Variants in SUFU observed in about 807,000 individuals in gnomAD.
SUFU encodes the protein suppressor of fused homolog.
In SUFU, 7 loss-of-function variants were observed where a neutral mutation model predicts 58.9. The ratio of observed to expected loss-of-function variants is 0.12; its 90% CI spans 0.07 to 0.22. The LOEUF (loss-of-function observed/expected upper bound fraction) is 0.22, where lower values mean the gene tolerates loss of function less well. Ranked by LOEUF, SUFU falls within the 10% of genes least tolerant of loss-of-function variation. The probability of loss-of-function intolerance (pLI) is 1.00; values close to 1 mark genes in which losing one functional copy is unlikely to be tolerated. For synonymous variants in SUFU, 232 were observed against 254.8 expected (o/e 0.91, Z 0.85); for missense variants, 451 against 641.3 (o/e 0.70, Z 3.20).
chr10:102,618,347 G>A (rs1230669571), intron 10 of SUFU: 1 of 152,424 alleles, frequency 6.6e-6, no homozygotes, highest in Non-Finnish European at 1.5e-5. Context: ...GTTTCACCCA[G>A]TCTGGGGAGT....
intron 8 of SUFU, among the ~76,000 whole-genome samples, chr10:102,606,321 C>A (rs2063562251): frequency 6.6e-6 from 1 of 152,246 alleles, no homozygotes; most frequent in African/African-American, 2.4e-5. Flanking sequence ...CACCTCTAAG[C>A]CATCCCATAA....
intron 2 of SUFU, among the ~76,000 whole-genome samples, chr10:102,527,281 C>T (rs541005358): frequency 5.3e-5 from 8 of 152,008 alleles, no homozygotes; most frequent in South Asian, 2.1e-4. Context: ...GGATTACAGG[C>T]GTGAGCCACC....
chr10:102,593,788 T>C, intron 5 of SUFU, 67 bp downstream of exon 5: 1 of 1,517,552 alleles, frequency 6.6e-7, no homozygotes, highest in East Asian at 2.3e-5. Flanking sequence ...TCCACTACCC[T>C]CCATGTGGGG....
intron 2 of SUFU, among the ~76,000 whole-genome samples, chr10:102,536,979 T>G (rs1476450025): frequency 4.6e-5 from 7 of 151,918 alleles, no homozygotes; most frequent in Non-Finnish European, 1.0e-4. Flanking sequence ...CCCAGCTAAT[T>G]TTTGTATTTT....
intron 3 of SUFU, chr10:102,579,987 A>G: frequency 2.8e-6 from 1 of 356,642 alleles, no homozygotes; most frequent in Non-Finnish European, 3.9e-6. Context: ...AGAGCTCCTC[A>G]GCCACATGTA....
chr10:102,613,713 AT>A (rs1487218866), intron 8 of SUFU, among the ~76,000 whole-genome samples: 2 of 152,228 alleles, frequency 1.3e-5, no homozygotes, highest in African/African-American at 4.8e-5. Context: ...GGCCTTTTGA[AT>A]GGGATCAGTG....
chr10:102,536,036 T>C (rs2062736513), intron 2 of SUFU, among the ~76,000 whole-genome samples: 1 of 152,126 alleles, frequency 6.6e-6, no homozygotes, highest in South Asian at 2.1e-4. Flanking sequence ...TGGCACCATC[T>C]CAGCTCACTA....
chr10:102,632,454 G>A lies in SUFU; in HGVS notation c.*2299G>A, dbSNP rs1320594168. On this transcript the variant is annotated 3_prime_UTR_variant, in exon 12 of 12. Coordinates refer to ENST00000369902, the MANE Select transcript of SUFU (RefSeq NM_016169.4). ...CTCACTGGCTCTGAGGGCAGGACAG[G>A]GTATCACACATTTCTCACCAGGCCT... 8.6e-6 allele frequency: 2 copies of A among 233,158 alleles called. No individual in the cohort carries two copies. Among genetic ancestry groups the A allele is most frequent in the Non-Finnish European group, 1.7e-5 (2 of 118,094 alleles). The allele number at this position is 233,158 out of a possible 1,614,324, so 14.4% of individuals were successfully genotyped here.
intron 3 of SUFU, among the ~76,000 whole-genome samples, chr10:102,584,666 T>C (rs1237846834): frequency 6.6e-6 from 1 of 152,236 alleles, no homozygotes; most frequent in Admixed American, 6.5e-5. Context: ...TAAGCAACGC[T>C]AATTTGCCAT....
rs60544094 is a variant in SUFU at position 102,516,125 on chromosome 10, C to CTT, written c.317+6839_317+6840dup. Among the ~76,000 whole-genome samples the CTT allele has an allele frequency of 5.6e-3, 706 of 125,568 alleles. 18 individuals are homozygous for CTT. Among genetic ancestry groups the CTT allele is most frequent in the African/African-American group, 0.013 (451 of 33,938 alleles). 82.4% of individuals were successfully genotyped at this position (125,568 alleles called of 152,430 possible). A position where few individuals can be genotyped will look rare whatever the true frequency, so the allele number is the denominator to read the frequency against. On this transcript the variant is annotated intron_variant, in intron 2 of 11. Coordinates refer to ENST00000369902, the MANE Select transcript of SUFU (RefSeq NM_016169.4). Reference sequence around the variant, plus strand: ...TCTTTTCTTTTTCTTTCTTTCTTTTCTTTTTTTTTTTTTTTTTTGAGATAG... The same window carrying CTT: ...TCTTTTCTTTTTCTTTCTTTCTTTTCTTTTTTTTTTTTTTTTTTTTGAGATAG...
At position 102,627,256 on chromosome 10, in the gene SUFU, G is replaced by A. The variant is rs1370046167; in HGVS notation, c.1365+13G>A. On this transcript the variant is annotated intron_variant, in intron 11 of 11. Coordinates refer to ENST00000369902, the MANE Select transcript of SUFU (RefSeq NM_016169.4). ...TTCTCCAGAGGAAGTAAGCTTGTTT[G>A]ACTTTTCCTGACAACAGGTCCCGTC... 6.2e-7 allele frequency: 1 copy of A among 1,612,424 alleles called. No individual in the cohort carries two copies. Among genetic ancestry groups the A allele is most frequent in the African/African-American group, 1.3e-5 (1 of 75,052 alleles).
chr10:102,627,887 T>TGCG (rs2063800590), intron 11 of SUFU, among the ~76,000 whole-genome samples: 1 of 152,136 alleles, frequency 6.6e-6, no homozygotes, highest in Non-Finnish European at 1.5e-5. Flanking sequence ...CCGGCATCCT[T>TGCG]ATTTGCGAGG....
intron 3 of SUFU, among the ~76,000 whole-genome samples, chr10:102,578,633 G>A (rs2063240288): frequency 2.0e-5 from 3 of 151,562 alleles, no homozygotes; most frequent in African/African-American, 4.9e-5. Context: ...GCTTGGACCT[G>A]TGAGGCAGAG....
intron 3 of SUFU, among the ~76,000 whole-genome samples, chr10:102,565,869 A>T (rs573769450): frequency 4.1e-4 from 62 of 152,284 alleles, no homozygotes; most frequent in African/African-American, 1.4e-3. Flanking sequence ...TGATACAGGC[A>T]TTCAGCTAGG....
At chr10:102,534,782 T>G (rs2062716133) in intron 2 of SUFU, among the ~76,000 whole-genome samples, 1 of 152,122 alleles carries the variant, frequency 6.6e-6, no homozygotes, top group Non-Finnish European at 1.5e-5. Flanking sequence ...ACAGAGAGAT[T>G]GTAGAGAAGC....
chr10:102,513,916 G>A (rs912150426), intron 2 of SUFU, among the ~76,000 whole-genome samples: 23 of 151,950 alleles, frequency 1.5e-4, no homozygotes, highest in African/African-American at 5.3e-4. Context: ...AGATGGTCTC[G>A]CTCTGTTGCC....
At position 102,630,767 on chromosome 10, in the gene SUFU, C is replaced by T. The variant is rs987239530; in HGVS notation, c.*612C>T. 2 of 249,768 alleles carry T rather than the reference C, an allele frequency of 8.0e-6. No individual in the cohort carries two copies. Among genetic ancestry groups the T allele is most frequent in the Non-Finnish European group, 1.6e-5 (2 of 126,968 alleles). 15.5% of individuals were successfully genotyped at this position (249,768 alleles called of 1,614,324 possible). A position where few individuals can be genotyped will look rare whatever the true frequency, so the allele number is the denominator to read the frequency against. On this transcript the variant is annotated 3_prime_UTR_variant, in exon 12 of 12. Transcript: ENST00000369902. ...TCATTCCCCGTTGAACTTTCGCATT[C>T]TCTGACAGAGGCCTAGGGCTGTATC...
chr10:102,521,925 A>G (rs971464637), intron 2 of SUFU, among the ~76,000 whole-genome samples: 3 of 152,210 alleles, frequency 2.0e-5, no homozygotes, highest in Non-Finnish European at 4.4e-5. Context: ...TGATAATCCT[A>G]TCACCTTTTG....
intron 3 of SUFU, among the ~76,000 whole-genome samples, chr10:102,568,891 A>ATAT: frequency 2.5e-5 from 1 of 40,066 alleles, no homozygotes; most frequent in Non-Finnish European, 4.4e-5. Context: ...AAAAAAAAAA[A>ATAT]AAAAAAATAT....
Sources: allele counts gnomAD v4.1 joint callset (sites outside exome capture counted in the v4.1 genomes callset), GRCh38; gene constraint gnomAD v4.1.1; transcripts MANE v1.5; gene names NCBI Gene and HGNC (gene_info 2026-07-23, HGNC 2026-07-21).